THADA: variants seen among roughly 807,000 people sequenced by gnomAD.
THADA encodes the protein THADA armadillo repeat containing, also known as tRNA (32-2'-O)-methyltransferase regulator THADA.
Under a neutral mutation model 219.8 loss-of-function variants are expected in THADA, and 213 were observed. That is an observed-to-expected ratio of 0.97 (90% CI 0.87 to 1.09). THADA has a LOEUF of 1.09. Among genes scored for constraint, THADA ranks in the 50% least tolerant of loss-of-function variants. THADA has a pLI of 0.00. For missense variants in THADA, 2,956 were observed against 2,311.3 expected, an observed-to-expected ratio of 1.28 and a Z score of -5.72; for synonymous variants, 1,018 against 828.9, an observed-to-expected ratio of 1.23 and a Z score of -3.92.
intron 29 of THADA, among the ~76,000 whole-genome samples, chr2:43,375,145 T>C (rs1671228689): frequency 6.6e-6 from 1 of 152,206 alleles, no homozygotes; most frequent in Admixed American, 6.5e-5. Context: ...ACATGTAACA[T>C]CTCTATTCCT....
chr2:43,586,495 C>A, intron 6 of THADA, 46 bp from the exon 7 acceptor site: 1 of 1,458,962 alleles, frequency 6.9e-7, no homozygotes, highest in Non-Finnish European at 9.2e-7. Context: ...AACTGTGAAG[C>A]TCAATTTCAA....
chr2:43,246,512 A>C (rs1669167949), intron 36 of THADA, among the ~76,000 whole-genome samples: 1 of 150,846 alleles, frequency 6.6e-6, no homozygotes, highest in Non-Finnish European at 1.5e-5. Context: ...ACAAACAAAC[A>C]AACAAACAAA....
chr2:43,493,670 G>C (rs1236130513), intron 25 of THADA, among the ~76,000 whole-genome samples: 1 of 152,072 alleles, frequency 6.6e-6, no homozygotes, highest in Non-Finnish European at 1.5e-5. Flanking sequence ...AGAGAGATGA[G>C]TGATATTTTT....
intron 26 of THADA, among the ~76,000 whole-genome samples, chr2:43,451,927 T>C (rs1682394941): frequency 6.6e-6 from 1 of 152,060 alleles, no homozygotes; most frequent in Non-Finnish European, 1.5e-5. Flanking sequence ...GCCAACGTGG[T>C]GAAACCCTGT....
At chr2:43,536,533 C>T (rs532254477) in intron 21 of THADA, among the ~76,000 whole-genome samples, 2 of 152,182 alleles carry the variant, frequency 1.3e-5, no homozygotes, top group African/African-American at 4.8e-5. Context: ...TTAAAATTAG[C>T]ATATCCTGCT....
In THADA at chr2:43,260,359, T is replaced by C. The variant is rs141720309; in HGVS notation, c.5296+19406A>G. ...TTTTCATGCGTGTCCTGTTCACATCTTTTTTCTTCTACAGAGTGCTCGGTT... is the reference window on the plus strand; with the variant it reads ...TTTTCATGCGTGTCCTGTTCACATCCTTTTTCTTCTACAGAGTGCTCGGTT... On this transcript the variant is annotated intron_variant, in intron 36 of 37. Transcript: ENST00000405975. Among the ~76,000 whole-genome samples the C allele has an allele frequency of 1.0e-3, 156 of 152,370 alleles. 1 individual carries two copies. Among genetic ancestry groups the C allele is most frequent in the Middle Eastern group, 0.01 (3 of 294 alleles).
intron 26 of THADA, among the ~76,000 whole-genome samples, chr2:43,464,604 C>T (rs1684019888): frequency 6.6e-6 from 1 of 152,114 alleles, no homozygotes; most frequent in African/African-American, 2.4e-5. Context: ...CAAAGGCTGT[C>T]ATCACATGAG....
At chr2:43,380,432 G>C (rs1671866950) in intron 29 of THADA, among the ~76,000 whole-genome samples, 1 of 152,172 alleles carries the variant, frequency 6.6e-6, no homozygotes. Flanking sequence ...ACAGGAGCTA[G>C]GTTTCTCACT....
chr2:43,555,023 G>C (rs1198974629), intron 17 of THADA, among the ~76,000 whole-genome samples: 1 of 152,108 alleles, frequency 6.6e-6, no homozygotes, highest in African/African-American at 2.4e-5. Context: ...ACCATTTCAG[G>C]TGTTGGATTA....
chr2:43,541,352 AT>A (rs1320064177), intron 20 of THADA, 36 bp from the exon 21 acceptor site: 1 of 1,607,972 alleles, frequency 6.2e-7, no homozygotes, highest in Non-Finnish European at 8.5e-7. Context: ...TGCAACCTTG[AT>A]TACTCATATC....
At chr2:43,254,516 G>A (rs189146014) in intron 36 of THADA, among the ~76,000 whole-genome samples, 8 of 152,062 alleles carry the variant, frequency 5.3e-5, no homozygotes, top group East Asian at 1.9e-4. Flanking sequence ...GTGTCATCCC[G>A]CTTCATCTCA....
chr2:43,495,360 AAATT>A (rs1291042540), intron 25 of THADA, among the ~76,000 whole-genome samples: 9 of 152,128 alleles, frequency 5.9e-5, no homozygotes, highest in African/African-American at 2.2e-4. Flanking sequence ...CCAAGAAATA[AAATT>A]ATTAGTATTA....
At chr2:43,434,659 G>A (rs1247871250) in intron 26 of THADA, among the ~76,000 whole-genome samples, 2 of 152,174 alleles carry the variant, frequency 1.3e-5, no homozygotes, top group Non-Finnish European at 2.9e-5. Context: ...ACAGGCCGCC[G>A]AGTGGCCCAA....
chr2:43,489,874 C>CAAAAAA (rs201735523), intron 25 of THADA, among the ~76,000 whole-genome samples: 7 of 56,060 alleles, frequency 1.2e-4, no homozygotes, highest in South Asian at 7.3e-4. Context: ...TTAAGATCTG[C>CAAAAAA]AAAAAAAAAA....
chr2:43,447,103 G>T (rs7355361), intron 26 of THADA, among the ~76,000 whole-genome samples: 68,004 of 151,930 alleles, frequency 0.45, 15,870 homozygotes, highest in East Asian at 0.71. Flanking sequence ...CAATCATGGT[G>T]GAAGACACCT....
intron 13 of THADA, 95 bp downstream of exon 13, chr2:43,571,612 C>T (rs1220498850): frequency 4.0e-6 from 5 of 1,256,322 alleles, no homozygotes; most frequent in East Asian, 2.3e-5. Flanking sequence ...ATTCCATGAC[C>T]ATTCCCACAC....
At chr2:43,419,465 A>C (rs1164355460) in intron 28 of THADA, among the ~76,000 whole-genome samples, 1 of 152,172 alleles carries the variant, frequency 6.6e-6, no homozygotes. Flanking sequence ...GAAAGGGAAA[A>C]CCCATTCCAG....
chr2:43,532,230 A>G (rs1162451721), intron 21 of THADA, among the ~76,000 whole-genome samples: 4 of 151,866 alleles, frequency 2.6e-5, no homozygotes, highest in Non-Finnish European at 5.9e-5. Flanking sequence ...TGGACAACAC[A>G]GTAAAACCCC....
intron 37 of THADA, among the ~76,000 whole-genome samples, chr2:43,232,175 T>C (rs1667509298): frequency 6.6e-6 from 1 of 150,666 alleles, no homozygotes; most frequent in African/African-American, 2.4e-5. Context: ...TTTTTTCTTT[T>C]CTTTTCTTTT....
Sources: allele counts gnomAD v4.1 joint callset (sites outside exome capture counted in the v4.1 genomes callset), GRCh38; gene constraint gnomAD v4.1.1; transcripts MANE v1.5; gene names NCBI Gene and HGNC (gene_info 2026-07-23, HGNC 2026-07-21).